The following SLC25A31 variants were observed in gnomAD, a reference collection of about 807,000 sequenced individuals.
SLC25A31 encodes the protein ADP/ATP translocase 4.
In SLC25A31, 40 loss-of-function variants were observed where a neutral mutation model predicts 36.2. The observed-to-expected ratio is 1.10, with a 90% CI of 0.86 to 1.44. The LOEUF is 1.44. SLC25A31 is among the 40% of genes most tolerant of loss of function. SLC25A31 has a pLI of 0.00. For synonymous variants in SLC25A31, 143 were observed against 149.7 expected, an observed-to-expected ratio of 0.96 and a Z score of 0.32; for missense variants, 350 against 397.1, an observed-to-expected ratio of 0.88 and a Z score of 1.01.
chr4:127,753,769 T>C (rs1427661983), intron 2 of SLC25A31, among the ~76,000 whole-genome samples: 3 of 151,986 alleles, frequency 2.0e-5, no homozygotes, highest in Non-Finnish European at 4.4e-5. Flanking sequence ...CTCACAGTCT[T>C]CAAAAAAATG....
At chr4:127,749,215 TA>T (rs1731878715) in intron 2 of SLC25A31, among the ~76,000 whole-genome samples, 1 of 152,112 alleles carries the variant, frequency 6.6e-6, no homozygotes, top group Non-Finnish European at 1.5e-5. Context: ...ATAGGTCATT[TA>T]AAATTAGCCA....
chr4:127,771,215 C>T (rs1732353302), intron 5 of SLC25A31, among the ~76,000 whole-genome samples: 1 of 151,976 alleles, frequency 6.6e-6, no homozygotes. Flanking sequence ...CCACAGCCTC[C>T]CGAAGTGGTA....
chr4:127,755,024 G>T (rs780634723), intron 2 of SLC25A31, among the ~76,000 whole-genome samples: 2 of 152,190 alleles, frequency 1.3e-5, no homozygotes, highest in African/African-American at 4.8e-5. Flanking sequence ...TGACAAAGAA[G>T]CCAAGAACAC....
At chr4:127,754,246 C>A (rs1484009604) in intron 2 of SLC25A31, among the ~76,000 whole-genome samples, 1 of 151,996 alleles carries the variant, frequency 6.6e-6, no homozygotes, top group African/African-American at 2.4e-5. Context: ...AAACCAGACA[C>A]ACTCACCACT....
chr4:127,736,814 G>A (rs79716299), intron 1 of SLC25A31, among the ~76,000 whole-genome samples: 17,774 of 152,258 alleles, frequency 0.12, 1,347 homozygotes, highest in South Asian at 0.22. Context: ...ATGTGTATGT[G>A]TGTGTTCCTG....
At chr4:127,754,210 G>C (rs1307120463) in intron 2 of SLC25A31, among the ~76,000 whole-genome samples, 3 of 152,046 alleles carry the variant, frequency 2.0e-5, no homozygotes, top group African/African-American at 7.2e-5. Flanking sequence ...ACAGTGAAAA[G>C]TTGAAAGCTT....
chr4:127,756,986 T>C (rs1440267212), intron 2 of SLC25A31, among the ~76,000 whole-genome samples: 1 of 152,130 alleles, frequency 6.6e-6, no homozygotes, highest in African/African-American at 2.4e-5. Context: ...GAAATGAAAA[T>C]TTATGTTCAT....
chr4:127,770,297 G>A (rs896640912), intron 5 of SLC25A31, among the ~76,000 whole-genome samples: 1 of 152,096 alleles, frequency 6.6e-6, no homozygotes, highest in Non-Finnish European at 1.5e-5. Context: ...ACTGTACTTT[G>A]GATATGTAAG....
intron 1 of SLC25A31, among the ~76,000 whole-genome samples, chr4:127,733,353 G>A (rs572126441): frequency 2.2e-4 from 34 of 152,228 alleles, no homozygotes; most frequent in Admixed American, 1.1e-3. Flanking sequence ...ATTTACACAT[G>A]AGCATCCCTA....
At chr4:127,771,678 G>C (rs1732364426) in intron 5 of SLC25A31, among the ~76,000 whole-genome samples, 1 of 151,988 alleles carries the variant, frequency 6.6e-6, no homozygotes, top group African/African-American at 2.4e-5. Flanking sequence ...ACCTTATCTT[G>C]TTCCTAATCA....
rs745569616 is a variant in SLC25A31, at chr4:127,764,254, G to T, written c.372G>T (p.Trp124Cys). 3.1e-6 allele frequency: 5 copies of T among 1,613,778 alleles called. No homozygotes were observed. Among genetic ancestry groups the T allele is most frequent in the Middle Eastern group, 1.7e-4 (1 of 6,060 alleles). ...GVNKEKQFWRWFLANLASGGA... is the reference protein window; with the variant it reads ...GVNKEKQFWRCFLANLASGGA... The stretch of plus-strand genomic sequence containing the variant: ...TTAATATGTTTCAGTTCTGGAGGTG[G>T]TTTTTGGCAAACCTGGCTTCTGGTG... Residue 124 changes from tryptophan (W) to cysteine (C), a missense_variant, in exon 3 of 6, where the codon TGG becomes TGT. Physicochemically the swap from Trp to Cys is radical, Grantham distance 215. Coordinates refer to ENST00000281154, the MANE Select transcript of SLC25A31 (RefSeq NM_031291.4).
chr4:127,749,933 C>A (rs1193042298), intron 2 of SLC25A31, among the ~76,000 whole-genome samples: 1 of 151,766 alleles, frequency 6.6e-6, no homozygotes, highest in Non-Finnish European at 1.5e-5. Context: ...AAGTCAAAAA[C>A]AAAGAATTTT....
At chr4:127,755,189 G>A (rs1298239126) in intron 2 of SLC25A31, among the ~76,000 whole-genome samples, 2 of 151,990 alleles carry the variant, frequency 1.3e-5, no homozygotes, top group African/African-American at 4.8e-5. Flanking sequence ...TAAAACATTG[G>A]GGAAAAACTC....
chr4:127,737,623 G>A (rs1389845898), intron 1 of SLC25A31, among the ~76,000 whole-genome samples: 2 of 151,830 alleles, frequency 1.3e-5, no homozygotes, highest in African/African-American at 2.4e-5. Context: ...GCACAATCGT[G>A]ACTTAACTGC....
chr4:127,741,644 G>A (rs1731734503), intron 1 of SLC25A31, among the ~76,000 whole-genome samples: 1 of 152,090 alleles, frequency 6.6e-6, no homozygotes, highest in Admixed American at 6.5e-5. Flanking sequence ...ATTTTTGCAT[G>A]TTTGTTCATT....
At chr4:127,770,458 C>G (rs1578674916) in intron 5 of SLC25A31, among the ~76,000 whole-genome samples, 4 of 152,054 alleles carry the variant, frequency 2.6e-5, no homozygotes, top group African/African-American at 9.6e-5. Context: ...AACTCCATCT[C>G]TACTAAAAAT....
chr4:127,760,089 A>G lies in SLC25A31; in HGVS notation c.361-4154A>G, dbSNP rs182930433. On this transcript the variant is annotated intron_variant, in intron 2 of 5. Transcript: ENST00000281154. Reference sequence around the variant, plus strand: ...GTGACAAAACTGCGTGTCACTGAATAAACACACAACTGAGTCATGTTAAAC... The same window carrying G: ...GTGACAAAACTGCGTGTCACTGAATGAACACACAACTGAGTCATGTTAAAC... 2.5e-3 allele frequency among the ~76,000 whole-genome samples: 383 copies of G among 152,294 alleles called. 2 individuals are homozygous for G. The highest frequency in any genetic ancestry group is 2.2e-3 in the Non-Finnish European group (147 of 68,010).
Position 127,768,802 on chromosome 4 carries a change from T to G in SLC25A31, c.684T>G (p.Ile228Met), listed in dbSNP as rs762459993. 2.5e-6 allele frequency: 4 copies of G among 1,608,876 alleles called. No homozygotes were observed. Among genetic ancestry groups the G allele is most frequent in the Middle Eastern group, 1.7e-4 (1 of 6,044 alleles). ...KKTPFLVSFF[I>M]AQVVTTCSGI... ...CTCCATTTCTTGTCTCCTTTTTCAT[T>G]GCTCAAGTTGTGACTACATGCTCTG... Residue 228 changes from isoleucine to methionine, a missense_variant, in exon 5 of 6, where the codon ATT (isoleucine) becomes ATG (methionine). By Grantham distance (10) the Ile-to-Met change is conservative. Transcript: ENST00000281154.
At chr4:127,768,999 A>C in intron 5 of SLC25A31, 122 bp downstream of exon 5, 2 of 862,206 alleles carry the variant, frequency 2.3e-6, no homozygotes, top group Non-Finnish European at 3.4e-6. Flanking sequence ...CTTAGCTAAA[A>C]TAAATACATG....
Sources: gnomAD v4.1 joint callset for allele counts (sites outside exome capture counted in the v4.1 genomes callset) on GRCh38, gnomAD v4.1.1 for gene constraint, MANE v1.5 for transcripts, NCBI Gene and HGNC (gene_info 2026-07-23, HGNC 2026-07-21) for gene names.